Variants in TPTE observed in about 807,000 individuals in gnomAD.
The protein encoded by TPTE is transmembrane phosphatase with tensin homology.
A neutral mutation model predicts 84.1 loss-of-function variants in TPTE; 59 were observed. The observed-to-expected ratio is 0.70, with a 90% CI of 0.57 to 0.87. TPTE has a LOEUF of 0.87. Among genes scored for constraint, TPTE ranks in the 40% least tolerant of loss-of-function variants. The pLI is 0.00. For synonymous variants in TPTE, 130 were observed against 223.5 expected (o/e 0.58, Z 3.73); for missense variants, 382 against 659.6 (o/e 0.58, Z 4.61).
chr21:10,576,189 T>C, intron 14 of TPTE: 1 of 164,554 alleles, frequency 6.1e-6, no homozygotes, highest in Non-Finnish European at 1.3e-5. Context: ...TAAATGCCAG[T>C]CGATGATAGA....
chr21:10,600,630 G>T (rs1423998585), intron 21 of TPTE, among the ~76,000 whole-genome samples: 1 of 152,310 alleles, frequency 6.6e-6, no homozygotes, highest in Non-Finnish European at 1.5e-5. Context: ...AGCACACCCA[G>T]TCTTTATCAT....
intron 3 of TPTE, among the ~76,000 whole-genome samples, chr21:10,531,595 C>A (rs543239817): frequency 6.6e-6 from 1 of 152,424 alleles, no homozygotes; most frequent in East Asian, 1.9e-4. Flanking sequence ...TTTGGACTAT[C>A]GCTTTATGTA....
chr21:10,542,126 C>T (rs2074380396), intron 5 of TPTE, among the ~76,000 whole-genome samples: 1 of 152,306 alleles, frequency 6.6e-6, no homozygotes, highest in Non-Finnish European at 1.5e-5. Flanking sequence ...ACCACAAAGT[C>T]TGTCACACAT....
intron 22 of TPTE, 75 bp from the exon 23 acceptor site, chr21:10,603,487 G>A: frequency 4.3e-6 from 6 of 1,408,186 alleles, no homozygotes; most frequent in Non-Finnish European, 5.9e-6. Context: ...AAAGAATAAA[G>A]AAAGGAACTT....
intron 7 of TPTE, among the ~76,000 whole-genome samples, chr21:10,544,065 G>A (rs2074422108): frequency 6.6e-6 from 1 of 152,302 alleles, no homozygotes; most frequent in Non-Finnish European, 1.5e-5. Context: ...GAAGGAGGTG[G>A]TGGAGGGTTT....
At chr21:10,588,441 G>A (rs78038681) in intron 17 of TPTE, among the ~76,000 whole-genome samples, 5,015 of 139,248 alleles carry the variant, frequency 0.036, no homozygotes, top group East Asian at 0.11. Flanking sequence ...GTGCCTTTAG[G>A]GCTTTTTCTT....
intron 3 of TPTE, among the ~76,000 whole-genome samples, chr21:10,529,923 T>TA (rs2074146938): frequency 2.6e-5 from 4 of 152,412 alleles, no homozygotes; most frequent in Admixed American, 6.5e-5. Flanking sequence ...GATTTTTTTT[T>TA]TAAAAAAAGT....
At chr21:10,551,566 G>A (rs1190609645) in intron 7 of TPTE, among the ~76,000 whole-genome samples, 2 of 152,278 alleles carry the variant, frequency 1.3e-5, no homozygotes, top group Admixed American at 1.3e-4. Context: ...TTATTAAAAG[G>A]AAATAAATAA....
chr21:10,565,578 G>C (rs2074904037), intron 10 of TPTE, among the ~76,000 whole-genome samples: 1 of 152,302 alleles, frequency 6.6e-6, no homozygotes, highest in Non-Finnish European at 1.5e-5. Flanking sequence ...AACAAAGCTG[G>C]AGGAATCACA....
At chr21:10,591,338 G>A (rs1436440892) in intron 18 of TPTE, among the ~76,000 whole-genome samples, 1 of 152,428 alleles carries the variant, frequency 6.6e-6, no homozygotes, top group Non-Finnish European at 1.5e-5. Context: ...TGTGCACAAT[G>A]CCCAGACTCC....
chr21:10,550,783 A>AC (rs1204523123), intron 7 of TPTE, among the ~76,000 whole-genome samples: 2 of 152,312 alleles, frequency 1.3e-5, no homozygotes, highest in Non-Finnish European at 2.9e-5. Flanking sequence ...CATCTCACCT[A>AC]ACAGCTGCAG....
In TPTE at chr21:10,541,186, A is replaced by G. The variant is rs370567985; in HGVS notation, c.65+21A>G. The G allele has an allele frequency of 4.0e-4, 649 of 1,611,738 alleles. No homozygotes were observed. In the African/African-American group the frequency reaches 7.4e-3, roughly 18 times the overall value. On this transcript the variant is annotated intron_variant, in intron 5 of 23. Transcript: ENST00000618007. ...GACAGGTGAGTTATAAAAGATGTACACATGACCAGGTGCAATGGTTCACAC... is the reference window on the plus strand; with the variant it reads ...GACAGGTGAGTTATAAAAGATGTACGCATGACCAGGTGCAATGGTTCACAC...
At chr21:10,535,198 T>C (rs1276680967) in intron 3 of TPTE, among the ~76,000 whole-genome samples, 5 of 152,310 alleles carry the variant, frequency 3.3e-5, no homozygotes, top group African/African-American at 4.8e-5. Context: ...CTGAGTAATA[T>C]GCTTTTATAA....
intron 18 of TPTE, among the ~76,000 whole-genome samples, chr21:10,591,091 A>ATTTCTACCT (rs2075466374): frequency 6.6e-6 from 1 of 152,306 alleles, no homozygotes; most frequent in Non-Finnish European, 1.5e-5. Context: ...TTAGGTAGAT[A>ATTTCTACCT]AAAAGCAACA....
intron 4 of TPTE, chr21:10,540,662 C>A (rs1433499873): frequency 1.9e-6 from 1 of 519,158 alleles, no homozygotes; most frequent in Admixed American, 1.9e-5. Flanking sequence ...TACCCACTCT[C>A]ACATGGGATG....
rs200633993 is a variant in TPTE, at chr21:10,603,579, T to C, written c.1467T>C (p.Tyr489=). The change falls in exon 23 of 24, where the codon TAT becomes TAC. Residue 489 remains tyrosine (Y), a synonymous_variant. Coordinates refer to ENST00000618007, the MANE Select transcript of TPTE (RefSeq NM_199261.4). ...QFFYSNLPTY[Y]DNCSFYFWLH... is the part of the protein sequence containing the mutation. ...CTTTTTAGAATCTTCCTACATACTA[T>C]GACAATTGCTCATTTTACTTCTGGT... 2 of 1,612,472 alleles carry C rather than the reference T, an allele frequency of 1.2e-6. No homozygotes were observed. Among genetic ancestry groups the C allele is most frequent in the African/African-American group, 1.3e-5 (1 of 74,914 alleles).
At chr21:10,522,251 G>A (rs1600842432) in intron 1 of TPTE, among the ~76,000 whole-genome samples, 2 of 152,404 alleles carry the variant, frequency 1.3e-5, no homozygotes, top group African/African-American at 4.8e-5. Flanking sequence ...GAAGGTGCGG[G>A]CGATCCCGGG....
chr21:10,526,561 T>A (rs1232678918), intron 2 of TPTE, among the ~76,000 whole-genome samples: 1 of 152,310 alleles, frequency 6.6e-6, no homozygotes, highest in Non-Finnish European at 1.5e-5. Flanking sequence ...ATGTATGTGA[T>A]CAGTTTCTTA....
At chr21:10,600,491 G>T (rs1327776354) in intron 21 of TPTE, among the ~76,000 whole-genome samples, 1 of 152,306 alleles carries the variant, frequency 6.6e-6, no homozygotes, top group African/African-American at 2.4e-5. Flanking sequence ...CCTCCATTTG[G>T]ACTAGATTCT....
Sources: allele counts gnomAD v4.1 joint callset (sites outside exome capture counted in the v4.1 genomes callset), GRCh38; gene constraint gnomAD v4.1.1; transcripts MANE v1.5; gene names NCBI Gene and HGNC (gene_info 2026-07-23, HGNC 2026-07-21).